Variants in GALNT6 observed in about 807,000 individuals in gnomAD.
GALNT6 encodes polypeptide N-acetylgalactosaminyltransferase 6.
Under a neutral mutation model 65.9 loss-of-function variants are expected in GALNT6, and 51 were observed. The ratio of observed to expected loss-of-function variants is 0.77; its 90% CI spans 0.62 to 0.98. The LOEUF (loss-of-function observed/expected upper bound fraction) is 0.98. Ranked by LOEUF, GALNT6 falls within the 50% of genes least tolerant of loss-of-function variation. The pLI, the probability that GALNT6 is intolerant of heterozygous loss-of-function variation, is 0.00. For synonymous variants in GALNT6, 323 were observed against 315.1 expected (o/e 1.02, Z -0.26); for missense variants, 708 against 803.3 (o/e 0.88, Z 1.43).
chr12:51,384,778 G>T (rs565425804), intron 2 of GALNT6, among the ~76,000 whole-genome samples: 1 of 151,776 alleles, frequency 6.6e-6, no homozygotes, highest in Middle Eastern at 3.4e-3. Flanking sequence ...TCAGCTACTT[G>T]AGAGGCTGAT....
At chr12:51,380,201 T>G (rs1947618904) in intron 2 of GALNT6, among the ~76,000 whole-genome samples, 1 of 152,148 alleles carries the variant, frequency 6.6e-6, no homozygotes, top group Non-Finnish European at 1.5e-5. Context: ...AAGAAAAATT[T>G]GAAATGAACA....
At chr12:51,386,617 A>G (rs561471723) in intron 2 of GALNT6, among the ~76,000 whole-genome samples, 1 of 152,306 alleles carries the variant, frequency 6.6e-6, no homozygotes, top group South Asian at 2.1e-4. Context: ...TATTTGCTCA[A>G]GTTACTCAGA....
Position 51,384,712 on chromosome 12 carries a change from G to C in GALNT6, c.-103-4828C>G, listed in dbSNP as rs1186949120. 8.9e-5 allele frequency among the ~76,000 whole-genome samples: 8 copies of C among 89,740 alleles called. No individual in the cohort carries two copies. The East Asian group carries it at 2.2e-3, about 25-fold the overall frequency. The allele number at this position is 89,740 out of a possible 152,430, so 58.9% of individuals were successfully genotyped here. A position where few individuals can be genotyped will look rare whatever the true frequency, so the allele number is the denominator to read the frequency against. On this transcript the variant is annotated intron_variant, in intron 2 of 11. Transcript: ENST00000356317. ...GTCTCAAAAAAAAAAAAAAAAAAAA[G>C]ACCAATTAGCAAAAAGAGACCAGTT...
intron 4 of GALNT6, among the ~76,000 whole-genome samples, chr12:51,375,139 G>A (rs989162908): frequency 6.6e-6 from 1 of 152,072 alleles, no homozygotes; most frequent in African/African-American, 2.4e-5. Flanking sequence ...GCCTCCCTAA[G>A]TGCTGGGATT....
At chr12:51,360,613 A>G (rs1946888794) in intron 7 of GALNT6, 108 bp downstream of exon 7, 1 of 717,260 alleles carries the variant, frequency 1.4e-6, no homozygotes, top group African/African-American at 1.7e-5. Flanking sequence ...CACCCTTTCT[A>G]GTTCAGTTCC....
In GALNT6 at chr12:51,379,672, G is replaced by A; in HGVS notation, c.110C>T (p.Ala37Val). Residue 37 changes from alanine (A) to valine (V), a missense_variant, in exon 3 of 12, where the codon GCC becomes GTC. Transcript: ENST00000356317. The stretch of plus-strand genomic sequence containing the variant: ...GGACTTCAGCCACGGCTTCTCTGTG[G>A]CCTCCTCTCTGCTGCTCACATCCCT... ...LHRDVSSREEATEKPWLKSLV... is the reference protein window; with the variant it reads ...LHRDVSSREEVTEKPWLKSLV... 6.2e-7 allele frequency: 1 copy of A among 1,614,138 alleles called. No homozygotes were observed.
At chr12:51,377,481 C>A in intron 3 of GALNT6, 114 bp from the exon 4 acceptor site, 1 of 800,136 alleles carries the variant, frequency 1.2e-6, no homozygotes, top group Non-Finnish European at 2.1e-6. Flanking sequence ...GAACCACAGC[C>A]TACATTCTCT....
In GALNT6 at chr12:51,387,994, G is replaced by A. The variant is rs1180496450; in HGVS notation, c.-104+2856C>T. 6.6e-6 allele frequency among the ~76,000 whole-genome samples: 1 copy of A among 152,084 alleles called. No homozygotes were observed. The highest frequency in any genetic ancestry group is 1.5e-5 in the Non-Finnish European group (1 of 68,018). Reference sequence around the variant, plus strand: ...TCAATGTACCATCCCCTGGGCTCAGGGTCTGTGCCCAGCCTCCTCTGCTAG... The same window carrying A: ...TCAATGTACCATCCCCTGGGCTCAGAGTCTGTGCCCAGCCTCCTCTGCTAG... On this transcript the variant is annotated intron_variant, in intron 2 of 11. Transcript: ENST00000356317. This position sits in a 1 kb window ranked among gnomAD's most constrained non-coding sequence, Gnocchi z 4.2.
chr12:51,357,395 C>G lies in GALNT6; in HGVS notation c.1556G>C (p.Gly519Ala). ...GCAGGAGTACATGATGAGGGGCTTCCCCCCGCGGTTGTTCTCACCCACATC... is the reference window on the plus strand; with the variant it reads ...GCAGGAGTACATGATGAGGGGCTTCGCCCCGCGGTTGTTCTCACCCACATC... Reference protein sequence around the residue: ...CLDVGENNRGGKPLIMYSCHG... With the variant: ...CLDVGENNRGAKPLIMYSCHG... Residue 519 changes from glycine to alanine, a missense_variant, in exon 10 of 12, where the codon GGG (glycine) becomes GCG (alanine). By Grantham distance (60) the Gly-to-Ala change is moderately conservative. Coordinates refer to ENST00000356317, the MANE Select transcript of GALNT6 (RefSeq NM_007210.4). 2 of 1,614,042 alleles carry G rather than the reference C, an allele frequency of 1.2e-6. No individual in the cohort carries two copies. Among genetic ancestry groups the G allele is most frequent in the Non-Finnish European group, 1.7e-6 (2 of 1,179,920 alleles).
intron 4 of GALNT6, among the ~76,000 whole-genome samples, chr12:51,369,350 G>A (rs548426072): frequency 5.3e-5 from 8 of 152,194 alleles, no homozygotes; most frequent in Non-Finnish European, 8.8e-5. Context: ...AATGCCCCTC[G>A]TGATACTCCA....
In GALNT6 at chr12:51,360,858, AGT is replaced by A. The variant is rs749662842; in HGVS notation, c.1050-22_1050-21del. 3 of 1,517,720 alleles carry A rather than the reference AGT, an allele frequency of 2.0e-6. No individual in the cohort carries two copies. The highest frequency in any genetic ancestry group is 2.7e-5 in the African/African-American group (2 of 73,100). The allele number at this position is 1,517,720 out of a possible 1,614,324, so 94.0% of individuals were successfully genotyped here. A position where few individuals can be genotyped will look rare whatever the true frequency, so the allele number is the denominator to read the frequency against. ...GGGGATCTGGAGAGACAGAGGGAGA[AGT>A]GTGTGCATCTTCTGGGAGAGGAGGA... On this transcript the variant is annotated intron_variant, in intron 6 of 11. Coordinates refer to ENST00000356317, the MANE Select transcript of GALNT6 (RefSeq NM_007210.4).
At chr12:51,370,953 C>T (rs1042614040) in intron 4 of GALNT6, among the ~76,000 whole-genome samples, 2 of 151,990 alleles carry the variant, frequency 1.3e-5, no homozygotes, top group Non-Finnish European at 2.9e-5. Flanking sequence ...GAAGATGATA[C>T]GTTTTATGTC....
At chr12:51,381,174 A>T (rs569491488) in intron 2 of GALNT6, among the ~76,000 whole-genome samples, 1 of 152,240 alleles carries the variant, frequency 6.6e-6, no homozygotes, top group Admixed American at 6.5e-5. Context: ...CAGGAGGTTA[A>T]GGCTGCAGTG....
intron 4 of GALNT6, among the ~76,000 whole-genome samples, chr12:51,374,642 C>A (rs889540507): frequency 3.9e-5 from 6 of 152,158 alleles, no homozygotes; most frequent in Non-Finnish European, 7.4e-5. Flanking sequence ...GGAGTTTGAG[C>A]ACAGGAGGTC....
intron 2 of GALNT6, among the ~76,000 whole-genome samples, chr12:51,384,753 C>T (rs1231170879): frequency 6.7e-6 from 1 of 149,778 alleles, no homozygotes; most frequent in Non-Finnish European, 1.5e-5. Flanking sequence ...GGTGTGGTGG[C>T]ATAGGCCTGT....
At chr12:51,374,309 C>T (rs1947383868) in intron 4 of GALNT6, among the ~76,000 whole-genome samples, 6 of 152,128 alleles carry the variant, frequency 3.9e-5, no homozygotes. Context: ...GCTGGGACCA[C>T]AGGCAAATAC....
chr12:51,390,152 C>CTTTT (rs1947991592), intron 2 of GALNT6, among the ~76,000 whole-genome samples: 1 of 68,980 alleles, frequency 1.4e-5, no homozygotes, highest in African/African-American at 5.8e-5. Context: ...TTCTTTCTTT[C>CTTTT]TTTCTTTTTT....
intron 11 of GALNT6, among the ~76,000 whole-genome samples, chr12:51,355,119 C>T (rs540540004): frequency 8.5e-5 from 13 of 152,314 alleles, no homozygotes; most frequent in African/African-American, 3.1e-4. Flanking sequence ...GAAACAGTGA[C>T]TATTCCTGCT....
chr12:51,355,549 A>C (rs1273378804), intron 11 of GALNT6, among the ~76,000 whole-genome samples: 1 of 152,248 alleles, frequency 6.6e-6, no homozygotes. Flanking sequence ...AGCTCACTGC[A>C]ACCTCCGCCT....
Sources: allele counts gnomAD v4.1 joint callset (sites outside exome capture counted in the v4.1 genomes callset), GRCh38; gene constraint gnomAD v4.1.1; non-coding constraint Gnocchi (gnomAD v3.1); transcripts MANE v1.5; gene names NCBI Gene and HGNC (gene_info 2026-07-23, HGNC 2026-07-21).